Variants in OPCML observed in about 807,000 individuals in gnomAD.
OPCML encodes opioid-binding protein/cell adhesion molecule.
A neutral mutation model predicts 37.8 loss-of-function variants in OPCML; 13 were observed. The ratio of observed to expected loss-of-function variants is 0.34; its 90% CI spans 0.22 to 0.55. The LOEUF is 0.55. Among genes scored for constraint, OPCML ranks in the 20% least tolerant of loss-of-function variants. The probability of loss-of-function intolerance (pLI) is 0.91; values close to 1 mark genes in which losing one functional copy is unlikely to be tolerated. For synonymous variants in OPCML, 176 were observed against 168.8 expected, an observed-to-expected ratio of 1.04 and a Z score of -0.33; for missense variants, 341 against 435.6, an observed-to-expected ratio of 0.78 and a Z score of 1.93.
At chr11:132,687,586 A>G (rs1943222428) in intron 2 of OPCML, among the ~76,000 whole-genome samples, 1 of 151,168 alleles carries the variant, frequency 6.6e-6, no homozygotes, top group Admixed American at 6.6e-5. Context: ...TTCTTTTTTA[A>G]TCCCTCAAAT....
chr11:133,339,225 A>G (rs181706045), intron 1 of OPCML, among the ~76,000 whole-genome samples: 203 of 152,304 alleles, frequency 1.3e-3, no homozygotes, highest in African/African-American at 4.6e-3. Context: ...TAGGCATTTC[A>G]TTATAACTTT....
At chr11:133,024,287 T>C in intron 1 of OPCML, 1 of 912,764 alleles carries the variant, frequency 1.1e-6, no homozygotes, top group Non-Finnish European at 1.3e-6. Flanking sequence ...AGCAAGCGTG[T>C]TGTGCAGTGT....
At chr11:133,475,122 A>G (rs114619313) in intron 1 of OPCML, among the ~76,000 whole-genome samples, 2,425 of 152,194 alleles carry the variant, frequency 0.016, 70 homozygotes, top group African/African-American at 0.056. Context: ...GGCAGTTTTT[A>G]AATAATAGTA....
Position 132,840,382 on chromosome 11 carries a change from G to A in OPCML, c.146+102544C>T, listed in dbSNP as rs370181416. On this transcript the variant is annotated intron_variant, in intron 2 of 7. Coordinates refer to ENST00000524381, the MANE Select transcript of OPCML (RefSeq NM_001012393.5). ...CAGCAGCTGACGGGGCCCCAAAGCA[G>A]CTGCCCCTTTGCTGAGGTGGAAGGC... Among the ~76,000 whole-genome samples the A allele has an allele frequency of 1.3e-3, 198 of 152,338 alleles. 4 individuals are homozygous for A. In the South Asian group the frequency reaches 0.024, roughly 19 times the overall value.
intron 1 of OPCML, among the ~76,000 whole-genome samples, chr11:132,986,859 T>G (rs1008018911): frequency 6.6e-6 from 1 of 152,118 alleles, no homozygotes; most frequent in Non-Finnish European, 1.5e-5. Flanking sequence ...ATTAAGCATA[T>G]CTACAGAAGA....
At chr11:133,035,279 C>T (rs1947757313) in intron 1 of OPCML, among the ~76,000 whole-genome samples, 1 of 152,212 alleles carries the variant, frequency 6.6e-6, no homozygotes, top group Non-Finnish European at 1.5e-5. Context: ...CTTTCTACTC[C>T]ATCAACCACA....
intron 2 of OPCML, among the ~76,000 whole-genome samples, chr11:132,913,448 C>A (rs1010123379): frequency 4.6e-5 from 7 of 152,156 alleles, no homozygotes; most frequent in Admixed American, 2.0e-4. Context: ...CATCGGGAAA[C>A]AAAATGACTA....
chr11:133,358,936 G>A (rs562117993), intron 1 of OPCML, among the ~76,000 whole-genome samples: 33 of 152,172 alleles, frequency 2.2e-4, no homozygotes, highest in Middle Eastern at 6.8e-3. Context: ...CTGGGCTGCA[G>A]GGTATGAGTA....
intron 2 of OPCML, among the ~76,000 whole-genome samples, chr11:132,753,168 T>G (rs1945898981): frequency 6.6e-6 from 1 of 152,112 alleles, no homozygotes; most frequent in Admixed American, 6.5e-5. Flanking sequence ...CTGACATCAC[T>G]CACAGAGGCC....
chr11:132,554,883 T>TCTTTTTTTTTTTC lies in OPCML; in HGVS notation c.380-25698_380-25697insGAAAAAAAAAAAG, dbSNP rs1555152135. Among the ~76,000 whole-genome samples the TCTTTTTTTTTTTC allele has an allele frequency of 1.6e-5, 2 of 125,660 alleles. 1 individual carries two copies. The highest frequency in any genetic ancestry group is 7.0e-4 in the East Asian group (2 of 2,852). The allele number at this position is 125,660 out of a possible 152,430, so 82.4% of individuals were successfully genotyped here. ...GTAAAGTTTTTTTTTTTTTTTTTTT[T>TCTTTTTTTTTTTC]TTTTTTTTCATTAGCTCTATGGTTA... is the stretch of plus-strand genomic sequence containing the variant. On this transcript the variant is annotated intron_variant, in intron 3 of 7. Transcript: ENST00000524381.
intron 1 of OPCML, among the ~76,000 whole-genome samples, chr11:133,283,404 C>T (rs1346829720): frequency 3.3e-5 from 5 of 150,372 alleles, no homozygotes; most frequent in South Asian, 2.1e-4. Flanking sequence ...CCATGTGACA[C>T]GCCTGCCCCC....
At chr11:133,373,448 T>TATATATATATATACACAC (rs966091785) in intron 1 of OPCML, among the ~76,000 whole-genome samples, 1 of 132,172 alleles carries the variant, frequency 7.6e-6, no homozygotes, top group African/African-American at 3.1e-5. Flanking sequence ...TATATATATA[T>TATATATATATATACACAC]ACACACACAC....
intron 1 of OPCML, among the ~76,000 whole-genome samples, chr11:132,998,896 T>C (rs559908102): frequency 6.0e-4 from 91 of 152,292 alleles, no homozygotes; most frequent in Non-Finnish European, 1.0e-3. Flanking sequence ...GAGAAATAAA[T>C]TTCTGTTGTA....
intron 1 of OPCML, among the ~76,000 whole-genome samples, chr11:132,989,028 G>A (rs938499444): frequency 7.9e-5 from 12 of 152,256 alleles, no homozygotes; most frequent in East Asian, 1.9e-4. Context: ...TTCAAATGCC[G>A]GGCATTACTA....
At position 132,415,561 on chromosome 11, in the gene OPCML, T is replaced by C. The variant is rs776302453; in HGVS notation, c.*4632A>G. ...CAAAAGGATGGTCGAGGGTTCGCAA[T>C]CTTTCTTTCTCCACCCAGTGGTGTG... On this transcript the variant is annotated 3_prime_UTR_variant, in exon 8 of 8. Transcript: ENST00000524381. The C allele has an allele frequency of 9.2e-5, 14 of 152,200 alleles. No individual in the cohort carries two copies. Among genetic ancestry groups the C allele is most frequent in the Non-Finnish European group, 1.6e-4 (11 of 68,026 alleles). 9.4% of individuals were successfully genotyped at this position (152,200 alleles called of 1,614,324 possible).
chr11:133,209,371 A>G (rs1039295683), intron 1 of OPCML, among the ~76,000 whole-genome samples: 13 of 152,202 alleles, frequency 8.5e-5, no homozygotes, highest in African/African-American at 2.7e-4. Flanking sequence ...CACATCACAC[A>G]TAAGAAAAGG....
intron 1 of OPCML, among the ~76,000 whole-genome samples, chr11:132,975,145 G>A (rs1946429704): frequency 1.3e-5 from 2 of 151,384 alleles, no homozygotes; most frequent in Admixed American, 6.6e-5. Flanking sequence ...TATAGACCAA[G>A]TCTATATTGA....
chr11:133,520,603 A>G (rs1256441683), intron 1 of OPCML, among the ~76,000 whole-genome samples: 2 of 152,142 alleles, frequency 1.3e-5, no homozygotes, highest in Admixed American at 6.5e-5. Context: ...TTTCTAAAAC[A>G]TGTTCAGTAG....
intron 2 of OPCML, among the ~76,000 whole-genome samples, chr11:132,706,959 C>T (rs1292049456): frequency 2.6e-5 from 4 of 152,220 alleles, no homozygotes; most frequent in African/African-American, 7.2e-5. Context: ...TAATTATCCT[C>T]ATTTGTCTAA....
Sources: gnomAD v4.1 joint callset for allele counts (sites outside exome capture counted in the v4.1 genomes callset) on GRCh38, gnomAD v4.1.1 for gene constraint, MANE v1.5 for transcripts, NCBI Gene and HGNC (gene_info 2026-07-23, HGNC 2026-07-21) for gene names.